The following A1CF variants were observed in gnomAD, a reference collection of about 807,000 sequenced individuals.
A1CF encodes APOBEC1 complementation factor.
A1CF carries 48 observed loss-of-function variants against 68.9 expected under a neutral mutation model. The observed-to-expected ratio is 0.70, with a 90% CI of 0.55 to 0.89. The LOEUF (loss-of-function observed/expected upper bound fraction) is 0.89. Ranked by LOEUF, A1CF falls within the 40% of genes least tolerant of loss-of-function variation. A1CF has a pLI of 0.00. For missense variants in A1CF, 653 were observed against 718.9 expected (o/e 0.91, Z 1.05); for synonymous variants, 272 against 260.4 (o/e 1.04, Z -0.43).
At chr10:50,810,069 C>A in intron 11 of A1CF, 27 bp from the exon 12 acceptor site, 1 of 1,612,866 alleles carries the variant, frequency 6.2e-7, no homozygotes, top group Non-Finnish European at 8.5e-7. Flanking sequence ...TCAGGGTAGG[C>A]ATTTTTAAAC....
chr10:50,850,337 A>G (rs1020906007), intron 3 of A1CF, among the ~76,000 whole-genome samples: 1 of 152,198 alleles, frequency 6.6e-6, no homozygotes, highest in Non-Finnish European at 1.5e-5. Flanking sequence ...GCATTTAATA[A>G]TATCTTTTAA....
chr10:50,842,134 C>T, intron 4 of A1CF, 142 bp from the exon 5 acceptor site: 4 of 682,962 alleles, frequency 5.9e-6, no homozygotes, highest in Non-Finnish European at 9.5e-6. Flanking sequence ...TTGGCATTTG[C>T]ATCCCATGTG....
intron 1 of A1CF, among the ~76,000 whole-genome samples, chr10:50,883,762 G>T (rs934314130): frequency 4.6e-5 from 7 of 152,176 alleles, no homozygotes; most frequent in Non-Finnish European, 1.0e-4. Context: ...ATTTGCATGT[G>T]TCATGAGTCC....
chr10:50,800,434 C>T lies in A1CF; in HGVS notation c.*6295G>A, dbSNP rs1171777248. 6.6e-6 allele frequency: 1 copy of T among 152,112 alleles called. No individual in the cohort carries two copies. Among genetic ancestry groups the T allele is most frequent in the Non-Finnish European group, 1.5e-5 (1 of 67,994 alleles). The allele number at this position is 152,112 out of a possible 1,614,324, so 9.4% of individuals were successfully genotyped here. On this transcript the variant is annotated 3_prime_UTR_variant, in exon 13 of 13. Transcript: ENST00000373997. ...AATAGTGGAAACTTAAGGTTTAGAA[C>T]AGAGTTGATTTATTTTCAGAATTCT...
intron 3 of A1CF, among the ~76,000 whole-genome samples, chr10:50,855,480 A>G (rs1404860986): frequency 2.6e-5 from 4 of 151,992 alleles, no homozygotes; most frequent in Non-Finnish European, 5.9e-5. Context: ...TATTAAATAC[A>G]TACTATATGT....
At chr10:50,830,088 T>C (rs1001693846) in intron 6 of A1CF, among the ~76,000 whole-genome samples, 22 of 152,320 alleles carry the variant, frequency 1.4e-4, no homozygotes, top group African/African-American at 4.3e-4. Flanking sequence ...TTTTCAAGTA[T>C]ACAAATACAT....
At chr10:50,867,955 C>A (rs1841072328) in intron 1 of A1CF, among the ~76,000 whole-genome samples, 1 of 152,132 alleles carries the variant, frequency 6.6e-6, no homozygotes, top group East Asian at 1.9e-4. Flanking sequence ...GGGACAAAGA[C>A]TATTTCTGAC....
At chr10:50,865,961 C>T (rs938679986) in intron 1 of A1CF, among the ~76,000 whole-genome samples, 10 of 152,188 alleles carry the variant, frequency 6.6e-5, no homozygotes, top group Admixed American at 3.9e-4. Context: ...CCAGAAGGCT[C>T]AGCTTGACAT....
chr10:50,845,373 A>T (rs1448106793), intron 3 of A1CF, among the ~76,000 whole-genome samples: 1 of 152,176 alleles, frequency 6.6e-6, no homozygotes, highest in Non-Finnish European at 1.5e-5. Flanking sequence ...AGAGACATTA[A>T]TGAGTTTTAT....
intron 5 of A1CF, among the ~76,000 whole-genome samples, chr10:50,841,318 C>T (rs12259930): frequency 0.018 from 2,703 of 152,248 alleles, 69 homozygotes; most frequent in African/African-American, 0.06. Context: ...AAACATATCA[C>T]GCTTGTTTTC....
intron 3 of A1CF, among the ~76,000 whole-genome samples, chr10:50,848,174 T>C (rs1437575660): frequency 6.6e-6 from 1 of 152,170 alleles, no homozygotes; most frequent in Non-Finnish European, 1.5e-5. Context: ...TCCAAATTCA[T>C]ACAAGCAGTA....
At position 50,836,246 on chromosome 10, in the gene A1CF, T is replaced by C; in HGVS notation, c.432A>G (p.Pro144=). 6.2e-7 allele frequency: 1 copy of C among 1,614,030 alleles called. No homozygotes were observed. The highest frequency in any genetic ancestry group is 8.5e-7 in the Non-Finnish European group (1 of 1,179,914). Residue 144 remains proline, a synonymous_variant, in exon 6 of 13, where the codon CCA becomes CCG. Transcript: ENST00000373997. ...DNCRLFVGGI[P]KTKKREEILS... ...AGATTTCTTCTCTCTTTTTGGTTTT[T>C]GGGATGCCCCCAACAAATAATCGGC...
At chr10:50,884,065 C>T (rs571385881) in intron 1 of A1CF, among the ~76,000 whole-genome samples, 1 of 152,174 alleles carries the variant, frequency 6.6e-6, no homozygotes, top group African/African-American at 2.4e-5. Flanking sequence ...GTAACAAAAC[C>T]TGCTATAACT....
intron 3 of A1CF, among the ~76,000 whole-genome samples, chr10:50,855,488 T>C (rs1042512488): frequency 2.0e-5 from 3 of 152,014 alleles, no homozygotes. Context: ...ACATACTATA[T>C]GTGGGGTACT....
At chr10:50,874,793 G>A (rs1405020288) in intron 1 of A1CF, among the ~76,000 whole-genome samples, 1 of 152,070 alleles carries the variant, frequency 6.6e-6, no homozygotes, top group Non-Finnish European at 1.5e-5. Flanking sequence ...GATCACTTAA[G>A]AACCGCCGTA....
intron 3 of A1CF, among the ~76,000 whole-genome samples, chr10:50,849,577 T>A (rs1360093896): frequency 1.3e-5 from 2 of 152,184 alleles, no homozygotes; most frequent in African/African-American, 4.8e-5. Context: ...AGCTTTATCA[T>A]CATATAGCCT....
chr10:50,800,971 T>A lies in A1CF; in HGVS notation c.*5758A>T, dbSNP rs142328929. The A allele has an allele frequency of 3.8e-4, 58 of 152,262 alleles. No individual in the cohort carries two copies. Among genetic ancestry groups the A allele is most frequent in the African/African-American group, 1.4e-3 (58 of 41,550 alleles). The allele number at this position is 152,262 out of a possible 1,614,324, so 9.4% of individuals were successfully genotyped here. ...TGTTTTGGGATAGAAGTAACTCAAC[T>A]CAAGGAAGAAAGAAACCAATAAATG... On this transcript the variant is annotated 3_prime_UTR_variant, in exon 13 of 13. Transcript: ENST00000373997.
chr10:50,870,309 A>G (rs967599091), intron 1 of A1CF, among the ~76,000 whole-genome samples: 1 of 151,956 alleles, frequency 6.6e-6, no homozygotes, highest in Non-Finnish European at 1.5e-5. Context: ...ACAAAAAGAA[A>G]TTGGAAGGAA....
intron 5 of A1CF, among the ~76,000 whole-genome samples, chr10:50,840,251 A>C (rs903601370): frequency 1.3e-5 from 2 of 151,474 alleles, no homozygotes; most frequent in African/African-American, 4.9e-5. Context: ...CTGCATCTAG[A>C]ATTGATGAAC....
Sources: gnomAD v4.1 joint callset for allele counts (sites outside exome capture counted in the v4.1 genomes callset) on GRCh38, gnomAD v4.1.1 for gene constraint, MANE v1.5 for transcripts, NCBI Gene and HGNC (gene_info 2026-07-23, HGNC 2026-07-21) for gene names.